The following CIBAR2 variants were observed in gnomAD, a reference collection of about 807,000 sequenced individuals.
CIBAR2 encodes CBY1 interacting BAR domain containing 2, also known as CBY1-interacting BAR domain-containing protein 2.
A neutral mutation model predicts 36.2 loss-of-function variants in CIBAR2; 38 were observed. The observed-to-expected ratio is 1.05, with a 90% confidence interval of 0.81 to 1.38. The LOEUF (loss-of-function observed/expected upper bound fraction) is 1.38, where lower values mean the gene tolerates loss of function less well. Ranked by LOEUF, CIBAR2 falls within the 40% of genes most tolerant of loss-of-function variation. The pLI is 0.00. For missense variants in CIBAR2, 481 were observed against 383.4 expected, an observed-to-expected ratio of 1.25 and a Z score of -2.13; for synonymous variants, 182 against 149.5, an observed-to-expected ratio of 1.22 and a Z score of -1.58.
At chr16:85,106,726 C>T (rs964606023) in intron 5 of CIBAR2, among the ~76,000 whole-genome samples, 2 of 152,196 alleles carry the variant, frequency 1.3e-5, no homozygotes, top group African/African-American at 2.4e-5. Context: ...ACCTCCTGAA[C>T]GGTGAGAGTC....
rs2073986637 is a variant in CIBAR2, at chr16:85,105,287, G to A, written c.537+40C>T. 3.9e-6 allele frequency: 5 copies of A among 1,269,352 alleles called. No homozygotes were observed. The South Asian group carries it at 6.0e-5, about 15-fold the overall frequency. 78.6% of individuals were successfully genotyped at this position (1,269,352 alleles called of 1,614,324 possible). On this transcript the variant is annotated intron_variant, in intron 6 of 8. Coordinates refer to ENST00000539556, the MANE Select transcript of CIBAR2 (RefSeq NM_198491.3). ...ACACGTGCATGCACACACACACAAG[G>A]CAGCCCAGGGCGCCTCCCATCCCGG...
chr16:85,106,150 C>T (rs942769036), intron 5 of CIBAR2, among the ~76,000 whole-genome samples: 2 of 152,146 alleles, frequency 1.3e-5, no homozygotes, highest in African/African-American at 2.4e-5. Context: ...GGTGGGTGAC[C>T]CAGGTGGGAT....
chr16:85,111,283 C>T (rs13337869), intron 1 of CIBAR2, among the ~76,000 whole-genome samples: 2,207 of 152,286 alleles, frequency 0.014, 51 homozygotes, highest in African/African-American at 0.051. Context: ...TTGCCACCCT[C>T]ACTGCAAAAC....
In CIBAR2 at chr16:85,098,613, C is replaced by T; in HGVS notation, c.*572G>A. ...GTGCCCTGAGGTCCTCCACGGGGGC[C>T]TCCTCCATGGAGTTGTCCTCACTCT... On this transcript the variant is annotated 3_prime_UTR_variant, in exon 9 of 9. Coordinates refer to ENST00000539556, the MANE Select transcript of CIBAR2 (RefSeq NM_198491.3). 1 of 985,686 alleles carries T rather than the reference C, an allele frequency of 1.0e-6. No homozygotes were observed. Among genetic ancestry groups the T allele is most frequent in the Non-Finnish European group, 1.2e-6 (1 of 829,764 alleles). 61.1% of individuals were successfully genotyped at this position (985,686 alleles called of 1,614,324 possible).
Position 85,107,703 on chromosome 16 carries a change from A to G in CIBAR2, c.427-31T>C, listed in dbSNP as rs368948191. ...AAACGTGCTGTTAAGGAACCAAGTT[A>G]AGCCCAGGCAGCCCCGTTGGGGTGG... On this transcript the variant is annotated intron_variant, in intron 4 of 8. Transcript: ENST00000539556. The G allele has an allele frequency of 5.6e-5, 90 of 1,613,894 alleles. No homozygotes were observed. The African/African-American group carries it at 1.1e-3, about 19-fold the overall frequency.
chr16:85,104,675 C>T (rs1213171310), intron 6 of CIBAR2, among the ~76,000 whole-genome samples: 1 of 152,028 alleles, frequency 6.6e-6, no homozygotes, highest in Non-Finnish European at 1.5e-5. Flanking sequence ...GAGATCATAC[C>T]ATTGCACTCC....
chr16:85,110,953 C>T (rs374111272), intron 1 of CIBAR2, among the ~76,000 whole-genome samples: 1 of 152,004 alleles, frequency 6.6e-6, no homozygotes, highest in Non-Finnish European at 1.5e-5. Context: ...GATCTGCCTG[C>T]CTTGGCCTCC....
Position 85,107,943 on chromosome 16 carries a change from T to C in CIBAR2, c.329A>G (p.Glu110Gly), listed in dbSNP as rs1337327571. 1.2e-6 allele frequency: 2 copies of C among 1,613,960 alleles called. No homozygotes were observed. The highest frequency in any genetic ancestry group is 1.7e-6 in the Non-Finnish European group (2 of 1,179,900). ...YGAQIKQTRA[E>G]IKKFKHVQNH... ...TTGGACATGTTTGAATTTCTTGATC[T>C]CAGCCTGCAGAAAAGGAGGAGGGTT... is the stretch of plus-strand genomic sequence containing the variant. The change falls in exon 4 of 9, where the codon GAG (glutamate) becomes GGG (glycine). Residue 110 changes from glutamate (E) to glycine (G), a missense_variant. By Grantham distance (98) the Glu-to-Gly change is moderately conservative. Coordinates refer to ENST00000539556, the MANE Select transcript of CIBAR2 (RefSeq NM_198491.3).
At position 85,110,207 on chromosome 16, in the gene CIBAR2, C is replaced by A. The variant is rs1396737218; in HGVS notation, c.255+19G>T. The stretch of plus-strand genomic sequence containing the variant: ...CTGGGTACCCCTCAGCATCCCAGAC[C>A]CGGGCCGGCAGCACTCACCTGGGCC... On this transcript the variant is annotated intron_variant, in intron 2 of 8. Coordinates refer to ENST00000539556, the MANE Select transcript of CIBAR2 (RefSeq NM_198491.3). The A allele has an allele frequency of 1.3e-6, 2 of 1,531,500 alleles. No individual in the cohort carries two copies. Among genetic ancestry groups the A allele is most frequent in the South Asian group, 1.2e-5 (1 of 80,396 alleles). 94.9% of individuals were successfully genotyped at this position (1,531,500 alleles called of 1,614,324 possible).
In CIBAR2 at chr16:85,105,432, C is replaced by T; in HGVS notation, c.433-1G>A. 6.2e-7 allele frequency: 1 copy of T among 1,612,082 alleles called. No homozygotes were observed. The highest frequency in any genetic ancestry group is 8.5e-7 in the Non-Finnish European group (1 of 1,178,422). The stretch of plus-strand genomic sequence containing the variant: ...CGGCCCTCTGCACTCTGGTCTCTGC[C>T]TGGCCCCAGGGACACAAGACGTAGA... On this transcript the variant is annotated splice_acceptor_variant, in intron 5 of 8. Transcript: ENST00000539556. LOFTEE classifies it high-confidence loss of function.
chr16:85,103,562 C>G (rs374653761), intron 6 of CIBAR2, among the ~76,000 whole-genome samples: 1 of 152,232 alleles, frequency 6.6e-6, no homozygotes, highest in African/African-American at 2.4e-5. Context: ...ACCTGGAGAA[C>G]CGTGTGGTCC....
chr16:85,111,491 C>T (rs1477347065), intron 1 of CIBAR2, among the ~76,000 whole-genome samples: 1 of 152,136 alleles, frequency 6.6e-6, no homozygotes, highest in African/African-American at 2.4e-5. Flanking sequence ...GGCTCCTAGG[C>T]CCCCGACCCC....
At chr16:85,102,393 T>G in intron 6 of CIBAR2, 66 bp from the exon 7 acceptor site, 1 of 949,264 alleles carries the variant, frequency 1.1e-6, no homozygotes, top group Admixed American at 1.7e-5. Context: ...AAGCCTGGGA[T>G]GCAGGCAGAT....
chr16:85,112,179 A>T (rs1193525810), intron 1 of CIBAR2, among the ~76,000 whole-genome samples, 154 bp downstream of exon 1: 1 of 152,196 alleles, frequency 6.6e-6, no homozygotes, highest in African/African-American at 2.4e-5. Context: ...CCTGAGCTGG[A>T]TGGAGGTGGA....
chr16:85,112,105 C>G (rs1264851024), intron 1 of CIBAR2, among the ~76,000 whole-genome samples: 1 of 152,144 alleles, frequency 6.6e-6, no homozygotes, highest in Non-Finnish European at 1.5e-5. Flanking sequence ...ACACAGGCAG[C>G]GATGCTGGAG....
Position 85,110,447 on chromosome 16 carries a change from T to C in CIBAR2, c.34A>G (p.Arg12Gly). ...TTGGCCACGGTATTCTCCATCACCC[T>C]CACCTGGCTGTCCCTGTGGAGGCGG... The part of the protein sequence containing the change: ...NIVFSRDSQV[R>G]VMENTVANTE... The change falls in exon 2 of 9, where the codon AGG (arginine) becomes GGG (glycine). Residue 12 changes from arginine to glycine, a missense_variant. Transcript: ENST00000539556. 1 of 1,598,362 alleles carries C rather than the reference T, an allele frequency of 6.3e-7. No homozygotes were observed. The highest frequency in any genetic ancestry group is 8.5e-7 in the Non-Finnish European group (1 of 1,170,326).
chr16:85,104,587 G>A (rs974690899), intron 6 of CIBAR2, among the ~76,000 whole-genome samples: 4 of 152,118 alleles, frequency 2.6e-5, no homozygotes, highest in Admixed American at 6.6e-5. Context: ...GTGGTGGTAC[G>A]TGCCTATAAT....
Position 85,098,968 on chromosome 16 carries a change from A to G in CIBAR2, c.*217T>C, listed in dbSNP as rs2073932514. 2.0e-6 allele frequency: 1 copy of G among 499,590 alleles called. No homozygotes were observed. The allele number at this position is 499,590 out of a possible 1,614,324, so 30.9% of individuals were successfully genotyped here. A position where few individuals can be genotyped will look rare whatever the true frequency, so the allele number is the denominator to read the frequency against. On this transcript the variant is annotated 3_prime_UTR_variant, in exon 9 of 9. Coordinates refer to ENST00000539556, the MANE Select transcript of CIBAR2 (RefSeq NM_198491.3). ...AAAGAAAAACAATCAAAACTTCAGG[A>G]AACATTGGATACACTCACAGAAATG...
At chr16:85,107,157 G>A (rs191898538) in intron 5 of CIBAR2, among the ~76,000 whole-genome samples, 3 of 145,402 alleles carry the variant, frequency 2.1e-5, no homozygotes, top group African/African-American at 8.2e-5. Flanking sequence ...TCAAAAAAAA[G>A]GGGGGGGGCA....
Sources: allele counts gnomAD v4.1 joint callset (sites outside exome capture counted in the v4.1 genomes callset), GRCh38; gene constraint gnomAD v4.1.1; transcripts MANE v1.5; gene names NCBI Gene and HGNC (gene_info 2026-07-23, HGNC 2026-07-21).